The following KCNH7 variants were observed in gnomAD, a reference collection of about 807,000 sequenced individuals.
The protein encoded by KCNH7 is voltage-gated inwardly rectifying potassium channel KCNH7.
In KCNH7, 49 loss-of-function variants were observed where a neutral mutation model predicts 120.8. The ratio of observed to expected loss-of-function variants is 0.41; its 90% CI spans 0.32 to 0.51. The LOEUF (loss-of-function observed/expected upper bound fraction) is 0.51. Among genes scored for constraint, KCNH7 ranks in the 20% least tolerant of loss-of-function variants. The pLI is 0.38. For synonymous variants in KCNH7, 547 were observed against 516.1 expected (o/e 1.06, Z -0.81); for missense variants, 1,097 against 1,446.6 (o/e 0.76, Z 3.92).
chr2:162,570,781 C>T (rs904456535), intron 2 of KCNH7, among the ~76,000 whole-genome samples: 3 of 151,902 alleles, frequency 2.0e-5, no homozygotes, highest in Admixed American at 6.6e-5. Flanking sequence ...ATAAACAGAA[C>T]CAAAGATAAA....
intron 2 of KCNH7, among the ~76,000 whole-genome samples, chr2:162,682,576 A>G (rs1685749606): frequency 6.6e-6 from 1 of 151,852 alleles, no homozygotes; most frequent in African/African-American, 2.4e-5. Context: ...TTTATTTTTC[A>G]AAAGACATAG....
At chr2:162,792,832 T>C (rs948191007) in intron 2 of KCNH7, among the ~76,000 whole-genome samples, 2 of 151,170 alleles carry the variant, frequency 1.3e-5, no homozygotes, top group African/African-American at 4.9e-5. Context: ...AGTTCAGCTC[T>C]GATTTTGGTT....
chr2:162,824,046 T>C (rs953102947), intron 2 of KCNH7, among the ~76,000 whole-genome samples: 1 of 152,208 alleles, frequency 6.6e-6, no homozygotes, highest in Non-Finnish European at 1.5e-5. Flanking sequence ...AATGATATTA[T>C]AAAATCTTAC....
At chr2:162,697,340 AG>A (rs1686329868) in intron 2 of KCNH7, among the ~76,000 whole-genome samples, 1 of 152,172 alleles carries the variant, frequency 6.6e-6, no homozygotes, top group Non-Finnish European at 1.5e-5. Flanking sequence ...GGAACTCTAC[AG>A]GTCAAAAGCC....
At chr2:162,769,773 G>T (rs1682969526) in intron 2 of KCNH7, among the ~76,000 whole-genome samples, 1 of 151,840 alleles carries the variant, frequency 6.6e-6, no homozygotes, top group Non-Finnish European at 1.5e-5. Context: ...GAAACTCAAG[G>T]GGTTAAAAGT....
At chr2:162,395,374 CACA>C (rs1686881235) in intron 11 of KCNH7, among the ~76,000 whole-genome samples, 1 of 151,664 alleles carries the variant, frequency 6.6e-6, no homozygotes, top group Non-Finnish European at 1.5e-5. Context: ...GGTTAAATTT[CACA>C]ACAATAAATA....
At chr2:162,652,734 C>A (rs77249462) in intron 2 of KCNH7, among the ~76,000 whole-genome samples, 6,095 of 152,164 alleles carry the variant, frequency 0.04, 405 homozygotes, top group African/African-American at 0.13. Context: ...GGCTGGGGAC[C>A]CCTGTTGTAC....
chr2:162,571,872 T>G (rs1412588622), intron 2 of KCNH7, among the ~76,000 whole-genome samples: 1 of 151,770 alleles, frequency 6.6e-6, no homozygotes, highest in Non-Finnish European at 1.5e-5. Context: ...GATCCCTTCC[T>G]TACACCTTAT....
chr2:162,792,969 TC>T lies in KCNH7; in HGVS notation c.307+43567del, dbSNP rs553259230. Reference sequence around the variant, plus strand: ...ATATGGGAATTTAATCTTATAAATTTCCCTCTTAATACTGCCTTAGCTGTGT... The same window carrying T: ...ATATGGGAATTTAATCTTATAAATTTCCTCTTAATACTGCCTTAGCTGTGT... On this transcript the variant is annotated intron_variant, in intron 2 of 15. Transcript: ENST00000332142. Among the ~76,000 whole-genome samples, 66 of 152,146 alleles carry T rather than the reference TC, an allele frequency of 4.3e-4. No homozygotes were observed. In the South Asian group the frequency reaches 0.014, roughly 32 times the overall value.
intron 3 of KCNH7, among the ~76,000 whole-genome samples, chr2:162,529,266 C>T (rs1284149633): frequency 6.6e-6 from 1 of 151,736 alleles, no homozygotes; most frequent in Admixed American, 6.6e-5. Context: ...AAAGCAGCTC[C>T]CAGGGGAGAA....
chr2:162,470,171 G>A (rs1443535191), intron 6 of KCNH7, among the ~76,000 whole-genome samples: 4 of 150,874 alleles, frequency 2.7e-5, no homozygotes, highest in South Asian at 2.1e-4. Context: ...GCCGCCCATC[G>A]TCTGGGATGT....
intron 6 of KCNH7, among the ~76,000 whole-genome samples, chr2:162,471,402 G>T (rs2105645914): frequency 6.6e-6 from 1 of 152,314 alleles, no homozygotes; most frequent in Non-Finnish European, 1.5e-5. Context: ...GCATTTGTGT[G>T]TATGTATGCT....
At chr2:162,544,494 A>G (rs796087684) in intron 2 of KCNH7, among the ~76,000 whole-genome samples, 4 of 152,248 alleles carry the variant, frequency 2.6e-5, no homozygotes, top group African/African-American at 9.6e-5. Flanking sequence ...AAAGTGAGCC[A>G]TGCATGTTGT....
At chr2:162,678,508 G>A (rs1685602791) in intron 2 of KCNH7, among the ~76,000 whole-genome samples, 1 of 151,382 alleles carries the variant, frequency 6.6e-6, no homozygotes, top group Middle Eastern at 3.4e-3. Flanking sequence ...TGGACAGAAG[G>A]GCCTTGTATA....
chr2:162,438,380 A>T (rs1295718264), intron 7 of KCNH7, among the ~76,000 whole-genome samples: 1 of 152,150 alleles, frequency 6.6e-6, no homozygotes, highest in African/African-American at 2.4e-5. Context: ...TATGACAGTA[A>T]GTTCTCTAAG....
At chr2:162,586,265 T>G (rs1349653220) in intron 2 of KCNH7, among the ~76,000 whole-genome samples, 1 of 152,098 alleles carries the variant, frequency 6.6e-6, no homozygotes, top group African/African-American at 2.4e-5. Context: ...GAAGTGACAC[T>G]GTGCAACTTT....
intron 2 of KCNH7, among the ~76,000 whole-genome samples, chr2:162,671,785 C>A (rs12692655): frequency 2.6e-5 from 4 of 151,524 alleles, no homozygotes; most frequent in Admixed American, 6.6e-5. Flanking sequence ...AAGGACCAAG[C>A]AAATTGAATC....
chr2:162,748,863 T>TCCCCTCCCC lies in KCNH7; in HGVS notation c.307+87665_307+87673dup, dbSNP rs1335417092. On this transcript the variant is annotated intron_variant, in intron 2 of 15. Coordinates refer to ENST00000332142, the MANE Select transcript of KCNH7 (RefSeq NM_033272.4). ...CTCCCCTCCCTCCCCTCCCCTTCCC[T>TCCCCTCCCC]CCCCTCCCCCTTCCCCTCCCTCCCT... is the stretch of plus-strand genomic sequence containing the variant. Among the ~76,000 whole-genome samples, 193 of 32,808 alleles carry TCCCCTCCCC rather than the reference T, an allele frequency of 5.9e-3. 12 individuals are homozygous for TCCCCTCCCC. Among genetic ancestry groups the TCCCCTCCCC allele is most frequent in the Middle Eastern group, 0.033 (1 of 30 alleles). 21.5% of individuals were successfully genotyped at this position (32,808 alleles called of 152,430 possible).
At chr2:162,647,831 G>T (rs1448518616) in intron 2 of KCNH7, among the ~76,000 whole-genome samples, 2 of 152,054 alleles carry the variant, frequency 1.3e-5, no homozygotes, top group African/African-American at 4.8e-5. Context: ...TTTGTAGTTT[G>T]TGATCCAAAA....
Sources: gnomAD v4.1 joint callset for allele counts (sites outside exome capture counted in the v4.1 genomes callset) on GRCh38, gnomAD v4.1.1 for gene constraint, MANE v1.5 for transcripts, NCBI Gene and HGNC (gene_info 2026-07-23, HGNC 2026-07-21) for gene names.